The following ITPR1 variants were observed in gnomAD, a reference collection of about 807,000 sequenced individuals.
ITPR1 encodes inositol 1,4,5-trisphosphate receptor type 1.
In ITPR1, 96 loss-of-function variants were observed where a neutral mutation model predicts 318.4. The observed-to-expected ratio is 0.30, with a 90% CI of 0.26 to 0.36. The LOEUF (loss-of-function observed/expected upper bound fraction) is 0.36. Among genes scored for constraint, ITPR1 ranks in the 10% least tolerant of loss-of-function variants. The probability of loss-of-function intolerance (pLI) is 1.00; values close to 1 mark genes in which losing one functional copy is unlikely to be tolerated. For synonymous variants in ITPR1, 1,312 were observed against 1,289.9 expected (o/e 1.02, Z -0.37); for missense variants, 2,440 against 3,460.2 (o/e 0.71, Z 7.40).
At chr3:4,759,244 G>C (rs914791545) in intron 44 of ITPR1, among the ~76,000 whole-genome samples, 1 of 152,254 alleles carries the variant, frequency 6.6e-6, no homozygotes, top group South Asian at 2.1e-4. Flanking sequence ...GCTGGGGGAG[G>C]ATGGGGGAGC....
At chr3:4,535,555 G>C (rs572249688) in intron 4 of ITPR1, among the ~76,000 whole-genome samples, 30 of 141,678 alleles carry the variant, frequency 2.1e-4, no homozygotes, top group Non-Finnish European at 3.9e-4. Flanking sequence ...CCATTCTCCT[G>C]CCTCAGCCTC....
In ITPR1 at chr3:4,531,118, A is replaced by G. The variant is rs187779216; in HGVS notation, c.163+10024A>G. ...ACCCTGAACCCACAGAGGGTTAGCAATCAAGGTGTATCTGGGATTTGAACC... is the reference window on the plus strand; with the variant it reads ...ACCCTGAACCCACAGAGGGTTAGCAGTCAAGGTGTATCTGGGATTTGAACC... On this transcript the variant is annotated intron_variant, in intron 4 of 61. Coordinates refer to ENST00000649015, the MANE Select transcript of ITPR1 (RefSeq NM_001378452.1). 1.1e-3 allele frequency among the ~76,000 whole-genome samples: 175 copies of G among 152,194 alleles called. 1 individual carries two copies. The highest frequency in any genetic ancestry group is 4.0e-3 in the African/African-American group (166 of 41,512).
intron 26 of ITPR1, among the ~76,000 whole-genome samples, chr3:4,681,777 CAG>C (rs765881656): frequency 1.2e-4 from 18 of 152,020 alleles, no homozygotes; most frequent in Non-Finnish European, 2.2e-4. Flanking sequence ...GGGCTCAAAA[CAG>C]AGTGAAGTTA....
chr3:4,624,274 G>A (rs956543947), intron 4 of ITPR1, among the ~76,000 whole-genome samples: 1 of 152,176 alleles, frequency 6.6e-6, no homozygotes, highest in South Asian at 2.1e-4. Context: ...TAAGTCATGT[G>A]TCAAATGTTA....
At chr3:4,513,417 T>C (rs1392797411) in intron 2 of ITPR1, among the ~76,000 whole-genome samples, 2 of 152,190 alleles carry the variant, frequency 1.3e-5, no homozygotes, top group Non-Finnish European at 2.9e-5. Context: ...AGGGGAATTA[T>C]CACATGAGAC....
chr3:4,626,719 A>C (rs1371232619), intron 4 of ITPR1, among the ~76,000 whole-genome samples: 1 of 152,196 alleles, frequency 6.6e-6, no homozygotes, highest in Non-Finnish European at 1.5e-5. Context: ...GACTATCTAA[A>C]TGCCAGTTTA....
At chr3:4,682,374 T>G (rs2094318285) in intron 26 of ITPR1, among the ~76,000 whole-genome samples, 1 of 152,246 alleles carries the variant, frequency 6.6e-6, no homozygotes. Flanking sequence ...AGTATGCAAG[T>G]GCTAATTGGG....
chr3:4,608,383 G>C (rs2091848628), intron 4 of ITPR1, among the ~76,000 whole-genome samples: 1 of 152,054 alleles, frequency 6.6e-6, no homozygotes, highest in African/African-American at 2.4e-5. Context: ...CAGCAAAGAA[G>C]CTTCTTTTGA....
chr3:4,793,746 C>T (rs2047719100), intron 52 of ITPR1, among the ~76,000 whole-genome samples: 1 of 152,222 alleles, frequency 6.6e-6, no homozygotes. Context: ...TCCACTGCTT[C>T]TGCCCTGTGC....
intron 4 of ITPR1, among the ~76,000 whole-genome samples, chr3:4,539,333 T>C (rs1259432902): frequency 8.5e-5 from 13 of 152,246 alleles, no homozygotes; most frequent in Non-Finnish European, 1.8e-4. Flanking sequence ...GCTTGCTTTG[T>C]GGCCTAGCAA....
At chr3:4,819,090 G>C (rs1575370179) in intron 60 of ITPR1, among the ~76,000 whole-genome samples, 1 of 152,174 alleles carries the variant, frequency 6.6e-6, no homozygotes, top group Non-Finnish European at 1.5e-5. Context: ...CCCTAAAGGA[G>C]CCTGCTTTTT....
chr3:4,697,871 G>A (rs185706541), intron 34 of ITPR1, among the ~76,000 whole-genome samples: 94 of 152,232 alleles, frequency 6.2e-4, no homozygotes, highest in African/African-American at 2.1e-3. Flanking sequence ...GATAACCTGG[G>A]CATATTAAAA....
chr3:4,667,319 G>A (rs775056539), intron 17 of ITPR1, 58 bp from the exon 18 acceptor site: 7 of 1,350,584 alleles, frequency 5.2e-6, no homozygotes, highest in South Asian at 1.3e-5. Context: ...TTTAGTCTAC[G>A]CTTAACCATA....
At chr3:4,674,374 T>C in intron 22 of ITPR1, 31 bp downstream of exon 22, 1 of 1,573,234 alleles carries the variant, frequency 6.4e-7, no homozygotes, top group Non-Finnish European at 8.6e-7. Flanking sequence ...CTATGTGTAT[T>C]ATCTGCCTCT....
intron 39 of ITPR1, among the ~76,000 whole-genome samples, chr3:4,717,078 G>A (rs60984367): frequency 0.012 from 1,890 of 152,328 alleles, 50 homozygotes; most frequent in African/African-American, 0.043. Context: ...ATGTTTTCAT[G>A]TCCACAAGCA....
intron 2 of ITPR1, among the ~76,000 whole-genome samples, chr3:4,498,518 A>C (rs971501907): frequency 2.0e-5 from 3 of 152,220 alleles, no homozygotes; most frequent in African/African-American, 7.2e-5. Context: ...ACAGTGGTTT[A>C]TCTGAGGACT....
At chr3:4,647,512 T>C (rs2093486644) in intron 10 of ITPR1, among the ~76,000 whole-genome samples, 1 of 152,188 alleles carries the variant, frequency 6.6e-6, no homozygotes, top group Non-Finnish European at 1.5e-5. Flanking sequence ...TTATAAGAAA[T>C]TGCTAAACTG....
chr3:4,655,519 G>A (rs10510296), intron 12 of ITPR1, among the ~76,000 whole-genome samples: 8,999 of 152,156 alleles, frequency 0.059, 466 homozygotes, highest in African/African-American at 0.13. Flanking sequence ...GCATTTTTCA[G>A]GTTCTCCCAG....
In ITPR1 at chr3:4,658,148, C is replaced by T. The variant is rs2093754929; in HGVS notation, c.1021C>T (p.Arg341Ter). The change falls in exon 13 of 62, where the codon CGA (arginine) becomes TGA (stop). Residue 341 changes from arginine (R) to a stop codon, truncating the protein, a stop_gained. Coordinates refer to ENST00000649015, the MANE Select transcript of ITPR1 (RefSeq NM_001378452.1). LOFTEE classifies it high-confidence loss of function. ...PSVDPDQDAS[R>*]SRLRNAQEKM... ...GGTGGACCCTGATCAGGACGCCTCT[C>T]GAAGTAGGTTGCGGAATGCCCAAGA... 1.9e-6 allele frequency: 3 copies of T among 1,612,898 alleles called. No homozygotes were observed. The highest frequency in any genetic ancestry group is 2.5e-6 in the Non-Finnish European group (3 of 1,179,202).
Sources: allele counts gnomAD v4.1 joint callset (sites outside exome capture counted in the v4.1 genomes callset), GRCh38; gene constraint gnomAD v4.1.1; transcripts MANE v1.5; gene names NCBI Gene and HGNC (gene_info 2026-07-23, HGNC 2026-07-21).